The following EXO1 variants were observed in gnomAD, a reference collection of about 807,000 sequenced individuals.
EXO1 encodes exonuclease 1.
In EXO1, 69 loss-of-function variants were observed where a neutral mutation model predicts 84.5. The ratio of observed to expected loss-of-function variants is 0.82; its 90% CI spans 0.67 to 1.00. The LOEUF (loss-of-function observed/expected upper bound fraction) is 1.00. Ranked by LOEUF, EXO1 falls within the 50% of genes least tolerant of loss-of-function variation. The pLI, the probability that EXO1 is intolerant of heterozygous loss-of-function variation, is 0.00. For synonymous variants in EXO1, 373 were observed against 366.1 expected (o/e 1.02, Z -0.21); for missense variants, 1,045 against 1,000.7 (o/e 1.04, Z -0.60).
chr1:241,871,802 G>A (rs1330145551), intron 11 of EXO1, among the ~76,000 whole-genome samples: 1 of 151,798 alleles, frequency 6.6e-6, no homozygotes, highest in South Asian at 2.1e-4. Flanking sequence ...ACATGAAATT[G>A]TATAAACAAC....
intron 12 of EXO1, among the ~76,000 whole-genome samples, chr1:241,878,052 A>G (rs1263416298): frequency 6.6e-6 from 1 of 152,224 alleles, no homozygotes; most frequent in Non-Finnish European, 1.5e-5. Flanking sequence ...GGTACTGTGG[A>G]AGATACAAAG....
chr1:241,889,513 A>C lies in EXO1; in HGVS notation c.2454A>C (p.Arg818Ser), dbSNP rs1412558322. The change falls in exon 16 of 16, where the codon AGA becomes AGC. Residue 818 changes from arginine (R) to serine (S), a missense_variant. Transcript: ENST00000366548. ...GTAAGAAACCCCTGTCCCCAGTCAG[A>C]GATAACATCCAACTAACTCCAGAAG... ...PPCKKPLSPV[R>S]DNIQLTPEAE... The C allele has an allele frequency of 6.2e-7, 1 of 1,613,670 alleles. No individual in the cohort carries two copies. Among genetic ancestry groups the C allele is most frequent in the South Asian group, 1.1e-5 (1 of 91,082 alleles).
Position 241,853,378 on chromosome 1 carries a change from T to C in EXO1, c.302T>C (p.Leu101Pro). 1 of 1,614,028 alleles carries C rather than the reference T, an allele frequency of 6.2e-7. No homozygotes were observed. Among genetic ancestry groups the C allele is most frequent in the Non-Finnish European group, 8.5e-7 (1 of 1,179,944 alleles). ...TGCAGAAGACGACAAGCCAATCTTC[T>C]TAAGGGAAAGCAACTTCTTCGTGAG... is the stretch of plus-strand genomic sequence containing the variant. ...SRRERRQANL[L>P]KGKQLLREGK... The change falls in exon 6 of 16, where the codon CTT becomes CCT. Residue 101 changes from leucine (L) to proline (P), a missense_variant. Physicochemically the swap from Leu to Pro is moderately conservative, Grantham distance 98 (BLOSUM62 -3). Coordinates refer to ENST00000366548, the MANE Select transcript of EXO1 (RefSeq NM_130398.4).
At chr1:241,882,218 A>G (rs1416175465) in intron 14 of EXO1, among the ~76,000 whole-genome samples, 2 of 152,166 alleles carry the variant, frequency 1.3e-5, no homozygotes, top group African/African-American at 4.8e-5. Context: ...ATGAAAGATC[A>G]CTTTCCAAGT....
At chr1:241,865,738 A>T (rs969952640) in intron 10 of EXO1, among the ~76,000 whole-genome samples, 3 of 152,142 alleles carry the variant, frequency 2.0e-5, no homozygotes, top group African/African-American at 7.2e-5. Flanking sequence ...TCTAAAATTT[A>T]TTTAGTCTGG....
rs75544135 is a variant in EXO1, at chr1:241,873,926, G to C, written c.1514+1648G>C. 9.0e-3 allele frequency among the ~76,000 whole-genome samples: 1,368 copies of C among 152,192 alleles called. 17 individuals carry two copies. Among genetic ancestry groups the C allele is most frequent in the African/African-American group, 0.032 (1,313 of 41,472 alleles). ...ACAGCTTGAGGAAAGGTGTAAAGAT[G>C]GGGGGCAGCATGGGGCTCAGGACAA... On this transcript the variant is annotated intron_variant, in intron 12 of 15. Transcript: ENST00000366548.
At chr1:241,882,063 T>G in intron 14 of EXO1, 46 bp downstream of exon 14, 1 of 878,376 alleles carries the variant, frequency 1.1e-6, no homozygotes, top group Admixed American at 1.9e-5. Flanking sequence ...AAGCGGTGTA[T>G]GCTTACAACT....
chr1:241,864,392 A>C (rs1661588737), intron 10 of EXO1, among the ~76,000 whole-genome samples: 1 of 152,222 alleles, frequency 6.6e-6, no homozygotes. Flanking sequence ...TTCAATATTT[A>C]GCCTTTTGTT....
At chr1:241,888,218 T>C (rs942339870) in intron 15 of EXO1, among the ~76,000 whole-genome samples, 1 of 151,940 alleles carries the variant, frequency 6.6e-6, no homozygotes, top group Non-Finnish European at 1.5e-5. Context: ...CCAGCCAGAG[T>C]GCAACAGAAC....
At position 241,855,097 on chromosome 1, in the gene EXO1, G is replaced by C. The variant is rs932827393; in HGVS notation, c.405+1616G>C. Among the ~76,000 whole-genome samples, 5 of 152,180 alleles carry C rather than the reference G, an allele frequency of 3.3e-5. No individual in the cohort carries two copies. In the South Asian group the frequency reaches 1.0e-3, roughly 32 times the overall value. ...GTATTGCAAAGAGCGAAAGAACAAA[G>C]CTTCCATGGTGTGGAAGGGGACCTA... is the stretch of plus-strand genomic sequence containing the variant. On this transcript the variant is annotated intron_variant, in intron 6 of 15. Transcript: ENST00000366548.
chr1:241,857,150 G>A (rs1335242354), intron 6 of EXO1, among the ~76,000 whole-genome samples, 195 bp from the exon 7 acceptor site: 1 of 152,140 alleles, frequency 6.6e-6, no homozygotes, highest in East Asian at 1.9e-4. Context: ...TTTTAAAAAT[G>A]TCTTAATGGC....
At chr1:241,874,374 G>C (rs748330213) in intron 12 of EXO1, among the ~76,000 whole-genome samples, 1 of 152,190 alleles carries the variant, frequency 6.6e-6, no homozygotes, top group Non-Finnish European at 1.5e-5. Flanking sequence ...GCCAGGGTGA[G>C]ACAGTGCAAG....
intron 14 of EXO1, among the ~76,000 whole-genome samples, chr1:241,883,732 A>G (rs4149987): frequency 0.12 from 5,404 of 44,442 alleles, 178 homozygotes; most frequent in South Asian, 0.33. Context: ...TGTTATTAAC[A>G]ATATGTATAG....
chr1:241,850,137 C>G (rs939005054), intron 3 of EXO1, among the ~76,000 whole-genome samples: 1 of 152,086 alleles, frequency 6.6e-6, no homozygotes, highest in Non-Finnish European at 1.5e-5. Flanking sequence ...AAAAATTAGC[C>G]GGGCGCGGTG....
At chr1:241,880,466 AC>A (rs1424429173) in intron 13 of EXO1, among the ~76,000 whole-genome samples, 8 of 152,106 alleles carry the variant, frequency 5.3e-5, no homozygotes, top group African/African-American at 1.7e-4. Flanking sequence ...GGCTGGTAGA[AC>A]TCCACATTTT....
Position 241,889,682 on chromosome 1 carries a change from C to T in EXO1, c.*82C>T, listed in dbSNP as rs1663273709. Reference sequence around the variant, plus strand: ...TGTTTGGGAATGAGGCACTTATCAGCATGAAGAATTTTTTCTCATTCTGTG... The same window carrying T: ...TGTTTGGGAATGAGGCACTTATCAGTATGAAGAATTTTTTCTCATTCTGTG... On this transcript the variant is annotated 3_prime_UTR_variant, in exon 16 of 16. Coordinates refer to ENST00000366548, the MANE Select transcript of EXO1 (RefSeq NM_130398.4). The T allele has an allele frequency of 6.6e-5, 90 of 1,356,760 alleles. No individual in the cohort carries two copies. In the South Asian group the frequency reaches 1.0e-3, roughly 15 times the overall value. 84.0% of individuals were successfully genotyped at this position (1,356,760 alleles called of 1,614,324 possible). A position where few individuals can be genotyped will look rare whatever the true frequency, so the allele number is the denominator to read the frequency against.
intron 14 of EXO1, among the ~76,000 whole-genome samples, chr1:241,882,496 C>G (rs1239503963): frequency 6.6e-6 from 1 of 152,110 alleles, no homozygotes; most frequent in Non-Finnish European, 1.5e-5. Flanking sequence ...CCATGATAAA[C>G]TAGGTTTGTT....
At chr1:241,878,236 C>T (rs1349497368) in intron 12 of EXO1, among the ~76,000 whole-genome samples, 32 of 152,286 alleles carry the variant, frequency 2.1e-4, no homozygotes, top group South Asian at 4.1e-4. Context: ...CTGTGGCTCA[C>T]GCCTGTAATC....
chr1:241,853,893 A>T (rs1288875962), intron 6 of EXO1, among the ~76,000 whole-genome samples: 1 of 152,120 alleles, frequency 6.6e-6, no homozygotes, highest in Non-Finnish European at 1.5e-5. Context: ...AAATTCCTGG[A>T]GGCATCGGTC....
Sources: gnomAD v4.1 joint callset for allele counts (sites outside exome capture counted in the v4.1 genomes callset) on GRCh38, gnomAD v4.1.1 for gene constraint, MANE v1.5 for transcripts, NCBI Gene and HGNC (gene_info 2026-07-23, HGNC 2026-07-21) for gene names.